The following TTN variants were observed in gnomAD, a reference collection of about 807,000 sequenced individuals.
TTN encodes the protein connectin.
In TTN, 1,525 loss-of-function variants were observed where a neutral mutation model predicts 3,223.0. The ratio of observed to expected loss-of-function variants is 0.47; its 90% CI spans 0.45 to 0.49. TTN has a LOEUF of 0.49. TTN is among the 20% of genes least tolerant of loss of function. The pLI is 0.00. For synonymous variants in TTN, 14,094 were observed against 15,161.0 expected (o/e 0.93, Z 5.17); for missense variants, 40,786 against 43,424.0 (o/e 0.94, Z 5.40).
intron 47 of TTN, chr2:178,748,309 G>A (rs2084281246): frequency 1.2e-6 from 2 of 1,612,586 alleles, no homozygotes; most frequent in African/African-American, 1.3e-5. Context: ...CTAAAGAAAT[G>A]GAATTTTCAT....
rs1384458919 is a variant in TTN at position 178,794,934 on chromosome 2, A to G, written c.1233T>C (p.Thr411=). The G allele has an allele frequency of 6.2e-7, 1 of 1,602,382 alleles. No individual in the cohort carries two copies. The highest frequency in any genetic ancestry group is 1.1e-5 in the South Asian group (1 of 91,090). The change falls in exon 7 of 363, where the codon ACT becomes ACC. Residue 411 remains threonine (T), a synonymous_variant. Transcript: ENST00000589042. ...ATTCTGACAGTACCTCTTTAGCACC[A>G]GTGGCAACAGCCTCTGCTGCGTAGC... is the stretch of plus-strand genomic sequence containing the variant. ...SASYAAEAVA[T]GAKEVKQDAD...
At chr2:178,692,834 G>A (rs1057263826) in intron 119 of TTN, among the ~76,000 whole-genome samples, 12 of 152,024 alleles carry the variant, frequency 7.9e-5, no homozygotes, top group African/African-American at 2.9e-4. Flanking sequence ...GCCTGTGTCA[G>A]TTCCTCAGAA....
rs775466609 is a variant in TTN, at chr2:178,685,618, AAAG to A, written c.32312-23_32312-21del. 17 of 1,606,886 alleles carry A rather than the reference AAAG, an allele frequency of 1.1e-5. No individual in the cohort carries two copies. In the South Asian group the frequency reaches 1.2e-4, roughly 12 times the overall value. ...CCATCACTTTAAAGACAGCAGTTTTAAAGAAGATAAATTACAGTGTTTTTCATG... is the reference window on the plus strand; with the variant it reads ...CCATCACTTTAAAGACAGCAGTTTTAAAGATAAATTACAGTGTTTTTCATG... On this transcript the variant is annotated intron_variant, in intron 127 of 362. Coordinates refer to ENST00000589042, the MANE Select transcript of TTN (RefSeq NM_001267550.2).
chr2:178,708,509 T>A (rs1235963911), intron 99 of TTN, among the ~76,000 whole-genome samples: 1 of 152,082 alleles, frequency 6.6e-6, no homozygotes, highest in Admixed American at 6.5e-5. Flanking sequence ...ATAAGGCCAT[T>A]TTTTTTGTTA....
At chr2:178,707,225 C>T (rs955982042) in intron 100 of TTN, among the ~76,000 whole-genome samples, 11 of 152,180 alleles carry the variant, frequency 7.2e-5, no homozygotes. Context: ...CAACAGCCTA[C>T]TTTCTATCGC....
chr2:178,778,919 C>T lies in TTN; in HGVS notation c.4163G>A (p.Gly1388Glu), dbSNP rs2092509032. 1 of 1,613,960 alleles carries T rather than the reference C, an allele frequency of 6.2e-7. No individual in the cohort carries two copies. The highest frequency in any genetic ancestry group is 1.1e-5 in the South Asian group (1 of 91,084). ...KLYVEPAAPL[G>E]APTYIPTLEP... is the part of the protein sequence containing the mutation. ...TAGTGTGGGAATGTAAGTCGGAGCT[C>T]CAAGTGGTGCAGCAGGCTCCACATA... The change falls in exon 24 of 363, where the codon GGA becomes GAA. Residue 1388 changes from glycine to glutamate, a missense_variant. Coordinates refer to ENST00000589042, the MANE Select transcript of TTN (RefSeq NM_001267550.2).
At chr2:178,674,881 A>T (rs1362945151) in intron 150 of TTN, among the ~76,000 whole-genome samples, 158 bp downstream of exon 150, 1 of 151,858 alleles carries the variant, frequency 6.6e-6, no homozygotes, top group Non-Finnish European at 1.5e-5. Flanking sequence ...AATAATATTA[A>T]TTTGCCTGCC....
intron 127 of TTN, among the ~76,000 whole-genome samples, chr2:178,686,347 C>G (rs1023352996): frequency 6.6e-6 from 1 of 151,180 alleles, no homozygotes; most frequent in Non-Finnish European, 1.5e-5. Flanking sequence ...GTCTCGATCT[C>G]CTGACCTCGT....
In TTN at chr2:178,647,407, G is replaced by A. The variant is rs1272007190; in HGVS notation, c.40115C>T (p.Ala13372Val). The change falls in exon 214 of 363, where the codon GCA (alanine) becomes GTA (valine). Residue 13372 changes from alanine to valine, a missense_variant. By Grantham distance (64) the Ala-to-Val change is moderately conservative. Coordinates refer to ENST00000589042, the MANE Select transcript of TTN (RefSeq NM_001267550.2). Reference sequence around the variant, plus strand: ...TTCAGCAGGTGGAACTTCTGGCTCTGCAGGGATAGGCACAGACACTTCCTT... The same window carrying A: ...TTCAGCAGGTGGAACTTCTGGCTCTACAGGGATAGGCACAGACACTTCCTT... ...PEKEVSVPIP[A>V]EPEVPPAEVE... 4 of 1,549,606 alleles carry A rather than the reference G, an allele frequency of 2.6e-6. No homozygotes were observed. The highest frequency in any genetic ancestry group is 3.5e-6 in the Non-Finnish European group (4 of 1,146,462).
At chr2:178,788,916 T>C (rs999560249) in intron 13 of TTN, among the ~76,000 whole-genome samples, 2 of 152,100 alleles carry the variant, frequency 1.3e-5, no homozygotes, top group South Asian at 2.1e-4. Context: ...AAGAAAATTA[T>C]GGGTAATTTA....
rs1387409572 is a variant in TTN at position 178,536,329 on chromosome 2, C to G, written c.100418G>C (p.Gly33473Ala). ...YEFRVKCENL[G>A]GESEWSEISE... ...TATTTCACTCCATTCACTTTCCCCA[C>G]CTAGATTTTCACATTTCACACGAAA... is the stretch of plus-strand genomic sequence containing the variant. Residue 33473 changes from glycine (G) to alanine (A), a missense_variant, in exon 357 of 363, where the codon GGT becomes GCT. Coordinates refer to ENST00000589042, the MANE Select transcript of TTN (RefSeq NM_001267550.2). The G allele has an allele frequency of 6.2e-7, 1 of 1,613,742 alleles. No homozygotes were observed. The highest frequency in any genetic ancestry group is 1.1e-5 in the South Asian group (1 of 91,070).
At chr2:178,581,386 G>A in intron 316 of TTN, 113 bp downstream of exon 316, 3 of 850,602 alleles carry the variant, frequency 3.5e-6, no homozygotes, top group Non-Finnish European at 5.0e-6. Flanking sequence ...TACTCTTGGA[G>A]TTACCAGCTC....
Position 178,599,371 on chromosome 2 carries a change from G to A in TTN, c.56422C>T (p.Pro18808Ser), listed in dbSNP as rs139748528. 13 of 1,600,068 alleles carry A rather than the reference G, an allele frequency of 8.1e-6. No individual in the cohort carries two copies. The African/African-American group carries it at 1.3e-4, about 17-fold the overall frequency. ...TTAGACCCACCATCATCTTTAGGTG[G>A]AAACCAAGATAGTGTCATTTGATCT... Reference protein sequence around the residue: ...SADQMTLSWFPPKDDGGSKIT... With the variant: ...SADQMTLSWFSPKDDGGSKIT... Residue 18808 changes from proline to serine, a missense_variant, in exon 290 of 363, where the codon CCA becomes TCA. Physicochemically the swap from Pro to Ser is moderately conservative, Grantham distance 74. Coordinates refer to ENST00000589042, the MANE Select transcript of TTN (RefSeq NM_001267550.2).
chr2:178,795,463 C>T lies in TTN; in HGVS notation c.915-211G>A, dbSNP rs141831872. Among the ~76,000 whole-genome samples, 418 of 151,838 alleles carry T rather than the reference C, an allele frequency of 2.8e-3. 1 individual carries two copies. Among genetic ancestry groups the T allele is most frequent in the Non-Finnish European group, 5.1e-3 (346 of 67,968 alleles). On this transcript the variant is annotated intron_variant, in intron 6 of 362. Coordinates refer to ENST00000589042, the MANE Select transcript of TTN (RefSeq NM_001267550.2). ...ATCTGCTGTAACCCTGTAAGAGAAT[C>T]AGCTTTAATTCCAAATAAGCTGGAG...
chr2:178,590,002 T>G lies in TTN; in HGVS notation c.61723A>C (p.Asn20575His), dbSNP rs779775208. The G allele has an allele frequency of 1.9e-6, 3 of 1,613,220 alleles. No individual in the cohort carries two copies. Among genetic ancestry groups the G allele is most frequent in the Non-Finnish European group, 2.5e-6 (3 of 1,179,498 alleles). The change falls in exon 304 of 363, where the codon AAT becomes CAT. Residue 20575 changes from asparagine (N) to histidine (H), a missense_variant. Asn to His is a moderately conservative substitution (Grantham distance 68). Coordinates refer to ENST00000589042, the MANE Select transcript of TTN (RefSeq NM_001267550.2). ...NVLDRPGPCQ[N>H]LKVTNVTKEN... ...TTGGTTACATTGGTAACCTTCAAATTCTGGCAAGGCCCAGGTCTGTCAAGG... is the reference window on the plus strand; with the variant it reads ...TTGGTTACATTGGTAACCTTCAAATGCTGGCAAGGCCCAGGTCTGTCAAGG...
intron 39 of TTN, 43 bp downstream of exon 39, chr2:178,767,971 G>T: frequency 6.2e-7 from 1 of 1,614,070 alleles, no homozygotes; most frequent in Non-Finnish European, 8.5e-7. Context: ...TGATTCAGAG[G>T]AAACTGGGAA....
At chr2:178,783,857 C>T in intron 16 of TTN, 72 bp from the exon 17 acceptor site, 4 of 1,218,028 alleles carry the variant, frequency 3.3e-6, no homozygotes, top group Non-Finnish European at 3.5e-6. Flanking sequence ...TTAGCTCATG[C>T]AACATTATAT....
chr2:178,595,689 T>C lies in TTN; in HGVS notation c.57665A>G (p.Glu19222Gly), dbSNP rs572862573. ...GGSPITNYVI[E>G]KRESDRRAWT... ...TGCTCTGCGGTCAGATTCACGCTTT[T>C]CAATGACATAATTGGTGATTGGAGA... The change falls in exon 295 of 363, where the codon GAA becomes GGA. Residue 19222 changes from glutamate (E) to glycine (G), a missense_variant. Coordinates refer to ENST00000589042, the MANE Select transcript of TTN (RefSeq NM_001267550.2). 46 of 1,608,926 alleles carry C rather than the reference T, an allele frequency of 2.9e-5. No individual in the cohort carries two copies. The South Asian group carries it at 4.7e-4, about 16-fold the overall frequency.
intron 255 of TTN, 30 bp downstream of exon 255, chr2:178,617,090 C>T (rs767326534): frequency 6.2e-7 from 1 of 1,610,538 alleles, no homozygotes; most frequent in Non-Finnish European, 8.5e-7. Flanking sequence ...ATGTGCTATT[C>T]CCCGATCTAA....
Sources: allele counts gnomAD v4.1 joint callset (sites outside exome capture counted in the v4.1 genomes callset), GRCh38; gene constraint gnomAD v4.1.1; transcripts MANE v1.5; gene names NCBI Gene and HGNC (gene_info 2026-07-23, HGNC 2026-07-21).